The following NRXN1 variants were observed in gnomAD, a reference collection of about 807,000 sequenced individuals.
NRXN1 encodes the protein neurexin-1.
In NRXN1, 39 loss-of-function variants were observed where a neutral mutation model predicts 150.9. The ratio of observed to expected loss-of-function variants is 0.26; its 90% confidence interval spans 0.20 to 0.34. The LOEUF (loss-of-function observed/expected upper bound fraction) is 0.34. Ranked by LOEUF, NRXN1 falls within the 10% of genes least tolerant of loss-of-function variation. The pLI is 1.00. For synonymous variants in NRXN1, 924 were observed against 757.0 expected (o/e 1.22, Z -3.62); for missense variants, 1,815 against 1,949.9 (o/e 0.93, Z 1.30).
intron 3 of NRXN1, among the ~76,000 whole-genome samples, chr2:50,925,466 C>G (rs1323363432): frequency 6.6e-6 from 1 of 151,950 alleles, no homozygotes; most frequent in South Asian, 2.1e-4. Context: ...CTTACTTATA[C>G]TCAGTACTTT....
chr2:50,049,510 C>A (rs1025263070), intron 21 of NRXN1, among the ~76,000 whole-genome samples: 6 of 152,130 alleles, frequency 3.9e-5, no homozygotes, highest in Admixed American at 3.9e-4. Flanking sequence ...ATGCTCTTTC[C>A]ATTATACTAC....
chr2:50,186,309 T>G (rs747495201), intron 18 of NRXN1, among the ~76,000 whole-genome samples: 5 of 152,114 alleles, frequency 3.3e-5, no homozygotes, highest in African/African-American at 7.2e-5. Context: ...AGTCTTCATG[T>G]CAACATTTCA....
chr2:50,989,974 C>T (rs1343940758), intron 2 of NRXN1, among the ~76,000 whole-genome samples: 1 of 151,830 alleles, frequency 6.6e-6, no homozygotes, highest in African/African-American at 2.4e-5. Context: ...TACATACTTG[C>T]CAGTACTTGA....
At chr2:50,844,645 G>C (rs137919737) in intron 5 of NRXN1, among the ~76,000 whole-genome samples, 1 of 152,168 alleles carries the variant, frequency 6.6e-6, no homozygotes, top group Non-Finnish European at 1.5e-5. Flanking sequence ...ATCATATTAT[G>C]ATAATCCTTC....
At chr2:50,655,852 A>G (rs1686371762) in intron 5 of NRXN1, among the ~76,000 whole-genome samples, 1 of 151,978 alleles carries the variant, frequency 6.6e-6, no homozygotes. Context: ...ACTCAAAGAG[A>G]TGCAGGAAAA....
At chr2:50,701,781 T>G (rs1693778211) in intron 5 of NRXN1, among the ~76,000 whole-genome samples, 1 of 152,152 alleles carries the variant, frequency 6.6e-6, no homozygotes, top group Admixed American at 6.6e-5. Flanking sequence ...TTGTTTTCCC[T>G]CTGTTATAAT....
rs1319347196 is a variant in NRXN1, at chr2:50,563,642, G to A, written c.1321-10617C>T. 3.3e-5 allele frequency among the ~76,000 whole-genome samples: 5 copies of A among 152,088 alleles called. No homozygotes were observed. In the South Asian group the frequency reaches 1.0e-3, roughly 32 times the overall value. On this transcript the variant is annotated intron_variant, in intron 8 of 22. Coordinates refer to ENST00000401669, the MANE Select transcript of NRXN1 (RefSeq NM_001330078.2). ...GAGGTCACACTGCTATTGTTCAGAG[G>A]GAGTCAACAGTGGACAAGATGGAAT...
At chr2:50,538,696 CTT>C in intron 9 of NRXN1, 60 bp from the exon 10 acceptor site, 1 of 1,336,194 alleles carries the variant, frequency 7.5e-7, no homozygotes, top group Non-Finnish European at 9.8e-7. Flanking sequence ...TTATAATTAT[CTT>C]TCTCTCTTTC....
intron 17 of NRXN1, among the ~76,000 whole-genome samples, chr2:50,292,404 G>C (rs1409149445): frequency 6.6e-6 from 1 of 152,082 alleles, no homozygotes; most frequent in Non-Finnish European, 1.5e-5. Flanking sequence ...TTTGATCCCT[G>C]ATTTGAAAGT....
chr2:50,897,217 T>G (rs1401115394), intron 5 of NRXN1, among the ~76,000 whole-genome samples: 1 of 152,212 alleles, frequency 6.6e-6, no homozygotes, highest in Admixed American at 6.5e-5. Flanking sequence ...ATAATTGCAG[T>G]ATAAGTACCA....
At chr2:50,237,101 T>A in intron 17 of NRXN1, 131 bp from the exon 18 acceptor site, 1 of 936,498 alleles carries the variant, frequency 1.1e-6, no homozygotes, top group Non-Finnish European at 1.7e-6. Flanking sequence ...ATCATAGATT[T>A]CAATCAAATG....
At chr2:49,974,093 G>A (rs956389186) in intron 21 of NRXN1, 1 of 716,940 alleles carries the variant, frequency 1.4e-6, no homozygotes. Context: ...ATCAATACTG[G>A]TGACAGGAGA....
chr2:50,561,567 G>GA (rs1289975126), intron 8 of NRXN1, among the ~76,000 whole-genome samples: 1 of 151,958 alleles, frequency 6.6e-6, no homozygotes, highest in African/African-American at 2.4e-5. Flanking sequence ...TGTTAAAAAA[G>GA]AAAAAAGAAC....
intron 17 of NRXN1, among the ~76,000 whole-genome samples, chr2:50,274,341 A>G (rs886113510): frequency 2.0e-5 from 3 of 152,162 alleles, no homozygotes; most frequent in African/African-American, 7.2e-5. Context: ...GTGGGATTGA[A>G]CAATGAGAAC....
intron 5 of NRXN1, among the ~76,000 whole-genome samples, chr2:50,630,531 G>C (rs11691082): frequency 0.61 from 92,163 of 151,222 alleles, 28,291 homozygotes; most frequent in East Asian, 0.74. Context: ...GGAAATTACC[G>C]TACATCTTAA....
intron 5 of NRXN1, among the ~76,000 whole-genome samples, chr2:50,775,891 T>C (rs1186208920): frequency 6.6e-6 from 1 of 152,098 alleles, no homozygotes; most frequent in Non-Finnish European, 1.5e-5. Context: ...TGAGAAGCAT[T>C]ATCTCTAAGC....
At chr2:50,229,604 T>C in intron 18 of NRXN1, among the ~76,000 whole-genome samples, 1 of 150,954 alleles carries the variant, frequency 6.6e-6, no homozygotes, top group East Asian at 1.9e-4. Flanking sequence ...AATACAGGAG[T>C]TCTTAACCAT....
chr2:50,863,036 G>C (rs1446108732), intron 5 of NRXN1, among the ~76,000 whole-genome samples: 1 of 151,998 alleles, frequency 6.6e-6, no homozygotes, highest in East Asian at 1.9e-4. Context: ...GCAGGAATGA[G>C]AGGGAATATG....
At chr2:50,976,143 C>T (rs1242541831) in intron 2 of NRXN1, among the ~76,000 whole-genome samples, 1 of 151,614 alleles carries the variant, frequency 6.6e-6, no homozygotes, top group Non-Finnish European at 1.5e-5. Context: ...CTCTCTATTC[C>T]CTTTAAGACA....
Sources: allele counts gnomAD v4.1 joint callset (sites outside exome capture counted in the v4.1 genomes callset), GRCh38; gene constraint gnomAD v4.1.1; transcripts MANE v1.5; gene names NCBI Gene and HGNC (gene_info 2026-07-23, HGNC 2026-07-21).